ABCC12: variants seen among roughly 807,000 people sequenced by gnomAD.
The protein encoded by ABCC12 is ATP binding cassette subfamily C member 12.
A neutral mutation model predicts 151.1 loss-of-function variants in ABCC12; 142 were observed. That is an observed-to-expected ratio of 0.94 (90% CI 0.82 to 1.08). ABCC12 has a LOEUF of 1.08. Among genes scored for constraint, ABCC12 ranks in the 50% least tolerant of loss-of-function variants. The pLI, the probability that ABCC12 is intolerant of heterozygous loss-of-function variation, is 0.00. For synonymous variants in ABCC12, 645 were observed against 646.4 expected, an observed-to-expected ratio of 1.00 and a Z score of 0.03; for missense variants, 1,638 against 1,691.1, an observed-to-expected ratio of 0.97 and a Z score of 0.55.
In ABCC12 at chr16:48,124,151, A is replaced by G. The variant is rs1027691673; in HGVS notation, c.1587+62T>C. 2.6e-5 allele frequency: 40 copies of G among 1,554,198 alleles called. 2 individuals carry two copies. The South Asian group carries it at 3.4e-4, about 13-fold the overall frequency. On this transcript the variant is annotated intron_variant, in intron 12 of 30. Transcript: ENST00000311303. ...ATCTGCTGGGTCCACGCCTGACCGG[A>G]AGGGAGCCATTTCATTGTCATGTTA...
intron 2 of ABCC12, 159 bp from the exon 3 acceptor site, chr16:48,146,633 C>T (rs1965013575): frequency 1.8e-6 from 1 of 555,196 alleles, no homozygotes; most frequent in African/African-American, 1.9e-5. Context: ...GCCAGAAGAC[C>T]TGCTACGTCC....
rs751943993 is a variant in ABCC12 at position 48,104,319 on chromosome 16, A to G, written c.2723T>C (p.Leu908Pro). 5.0e-6 allele frequency: 8 copies of G among 1,614,254 alleles called. No homozygotes were observed. Among genetic ancestry groups the G allele is most frequent in the East Asian group, 4.5e-5 (2 of 44,892 alleles). Residue 908 changes from leucine to proline, a missense_variant, in exon 22 of 31, where the codon CTA becomes CCA. Physicochemically the swap from Leu to Pro is moderately conservative, Grantham distance 98 (BLOSUM62 -3). Coordinates refer to ENST00000311303, the MANE Select transcript of ABCC12 (RefSeq NM_001393797.1). ...CATATCCTTGGAAAAACGGTTCATT[A>G]GCCTGCCAGTGGGAGTCGTGTCAAA... ...SFFDTTPTGR[L>P]MNRFSKDMDE...
rs1962726391 is a variant in ABCC12 at position 48,088,550 on chromosome 16, C to T, written c.3470G>A (p.Gly1157Asp). The T allele has an allele frequency of 1.9e-6, 3 of 1,613,580 alleles. No homozygotes were observed. The highest frequency in any genetic ancestry group is 2.2e-5 in the East Asian group (1 of 44,868). ...AAAGCAGAGCTTGTCCTCACCGGAA[C>T]CTGTTCTTCCAACAATCCCGACTGT... is the stretch of plus-strand genomic sequence containing the variant. ...GQTVGIVGRTGSGKSSLGMAL... is the reference protein window; with the variant it reads ...GQTVGIVGRTDSGKSSLGMAL... Residue 1157 changes from glycine to aspartate, a missense_variant, in exon 26 of 31, where the codon GGT (glycine) becomes GAT (aspartate). By Grantham distance (94) the Gly-to-Asp change is moderately conservative. Coordinates refer to ENST00000311303, the MANE Select transcript of ABCC12 (RefSeq NM_001393797.1).
intron 20 of ABCC12, among the ~76,000 whole-genome samples, chr16:48,106,925 CCTT>C (rs1338478289): frequency 6.6e-5 from 10 of 152,210 alleles, no homozygotes; most frequent in African/African-American, 1.2e-4. Context: ...ACACGTGGGA[CCTT>C]CTGGCACTGG....
chr16:48,110,314 A>AT (rs922355597), intron 18 of ABCC12, among the ~76,000 whole-genome samples: 27 of 151,446 alleles, frequency 1.8e-4, no homozygotes, highest in African/African-American at 2.4e-4. Context: ...GTTAGCAGAG[A>AT]TTTTTTTTTC....
chr16:48,105,641 G>A (rs943669316), intron 20 of ABCC12, among the ~76,000 whole-genome samples: 2 of 152,226 alleles, frequency 1.3e-5, no homozygotes, highest in African/African-American at 4.8e-5. Context: ...CACCTCGGGA[G>A]ACCAGAAGCA....
At chr16:48,139,088 GCCTTCCAC>G (rs1964710849) in intron 7 of ABCC12, 67 bp downstream of exon 7, 15 of 1,471,580 alleles carry the variant, frequency 1.0e-5, no homozygotes, top group Non-Finnish European at 9.1e-7. Flanking sequence ...CAGAAATGCA[GCCTTCCAC>G]CCAATTCAGT....
intron 7 of ABCC12, 149 bp from the exon 8 acceptor site, chr16:48,138,524 C>G: frequency 1.1e-6 from 1 of 872,786 alleles, no homozygotes; most frequent in Non-Finnish European, 1.7e-6. Context: ...TGAGTTGTGG[C>G]TGTTGATGCT....
chr16:48,139,034 G>T (rs1049919766), intron 7 of ABCC12, 129 bp downstream of exon 7: 5 of 1,100,212 alleles, frequency 4.5e-6, no homozygotes, highest in Non-Finnish European at 6.5e-6. Flanking sequence ...TGTGCCAAAG[G>T]AAGTAAATCT....
At chr16:48,089,776 C>T (rs1962800455) in intron 25 of ABCC12, among the ~76,000 whole-genome samples, 1 of 152,176 alleles carries the variant, frequency 6.6e-6, no homozygotes, top group Non-Finnish European at 1.5e-5. Context: ...CTTGGTGTTT[C>T]AAGTATTCAC....
rs143043493 is a variant in ABCC12, at chr16:48,145,082, G to A, written c.120-1017C>T. 2.0e-3 allele frequency among the ~76,000 whole-genome samples: 297 copies of A among 152,208 alleles called. 3 individuals are homozygous for A. Among genetic ancestry groups the A allele is most frequent in the African/African-American group, 6.7e-3 (280 of 41,542 alleles). On this transcript the variant is annotated intron_variant, in intron 3 of 30. Transcript: ENST00000311303. ...TCCCCACATTGCCTCTCCACAAAGC[G>A]ATTATAAACTGGTTGAAAAAGTGGA...
intron 6 of ABCC12, 111 bp downstream of exon 6, chr16:48,140,576 T>A: frequency 9.7e-7 from 1 of 1,036,166 alleles, no homozygotes; most frequent in Non-Finnish European, 1.4e-6. Context: ...GATGGGCAGG[T>A]CATAGACAAG....
intron 29 of ABCC12, 63 bp downstream of exon 29, chr16:48,085,529 TG>T: frequency 7.0e-7 from 1 of 1,429,346 alleles, no homozygotes; most frequent in Non-Finnish European, 9.9e-7. Flanking sequence ...CTCTGCCTCC[TG>T]GATTGAGTGG....
intron 18 of ABCC12, among the ~76,000 whole-genome samples, chr16:48,109,638 G>T (rs1264042581): frequency 1.3e-5 from 2 of 152,224 alleles, no homozygotes; most frequent in Non-Finnish European, 2.9e-5. Context: ...TCGCTGCCTG[G>T]GAACCTGGAG....
chr16:48,151,561 T>C (rs1965117678), intron 2 of ABCC12, among the ~76,000 whole-genome samples: 1 of 152,228 alleles, frequency 6.6e-6, no homozygotes, highest in South Asian at 2.1e-4. Context: ...TAACATGAGA[T>C]GTTATTAATG....
At chr16:48,085,467 C>T (rs891582737) in intron 29 of ABCC12, 126 bp downstream of exon 29, 6 of 786,312 alleles carry the variant, frequency 7.6e-6, no homozygotes, top group Admixed American at 2.5e-5. Context: ...AAAAAGTGAT[C>T]GGTTTTTAAA....
intron 3 of ABCC12, among the ~76,000 whole-genome samples, chr16:48,145,630 G>T (rs2150680686): frequency 6.6e-6 from 1 of 152,342 alleles, no homozygotes. Flanking sequence ...AAGAAGCCCT[G>T]CATGCTGTCA....
At chr16:48,092,147 T>C (rs1477532495) in intron 24 of ABCC12, among the ~76,000 whole-genome samples, 1 of 152,194 alleles carries the variant, frequency 6.6e-6, no homozygotes, top group Non-Finnish European at 1.5e-5. Flanking sequence ...AGTGCGGGCA[T>C]CTGACTCCAC....
rs752708208 is a variant in ABCC12 at position 48,141,214 on chromosome 16, T to C, written c.415A>G (p.Ile139Val). The change falls in exon 5 of 31, where the codon ATA becomes GTA. Residue 139 changes from isoleucine to valine, a missense_variant. Transcript: ENST00000311303. ...ANILCIIMAAIGPTVLIHQIL... is the reference protein window; with the variant it reads ...ANILCIIMAAVGPTVLIHQIL... ...AGGGCTGCCGCACTCACCGGCCCTA[T>C]GGCTGCCATGATGATGCACAGGATG... The C allele has an allele frequency of 1.2e-6, 2 of 1,613,902 alleles. No individual in the cohort carries two copies. The highest frequency in any genetic ancestry group is 1.1e-5 in the South Asian group (1 of 91,078).
Sources: gnomAD v4.1 joint callset for allele counts (sites outside exome capture counted in the v4.1 genomes callset) on GRCh38, gnomAD v4.1.1 for gene constraint, MANE v1.5 for transcripts, NCBI Gene and HGNC (gene_info 2026-07-23, HGNC 2026-07-21) for gene names.